CDKAL1: variants seen among roughly 807,000 people sequenced by gnomAD.
CDKAL1 encodes threonylcarbamoyladenosine tRNA methylthiotransferase.
A neutral mutation model predicts 68.2 loss-of-function variants in CDKAL1; 32 were observed. The observed-to-expected ratio is 0.47, with a 90% CI of 0.35 to 0.63. The LOEUF (loss-of-function observed/expected upper bound fraction) is 0.63, where lower values mean the gene tolerates loss of function less well. Ranked by LOEUF, CDKAL1 falls within the 30% of genes least tolerant of loss-of-function variation. CDKAL1 has a pLI of 0.00. For missense variants in CDKAL1, 606 were observed against 696.7 expected (o/e 0.87, Z 1.47); for synonymous variants, 234 against 244.3 (o/e 0.96, Z 0.39).
chr6:20,560,209 G>A (rs1402661357), intron 4 of CDKAL1, among the ~76,000 whole-genome samples: 2 of 152,224 alleles, frequency 1.3e-5, no homozygotes, highest in East Asian at 3.9e-4. Context: ...CAATTATTAG[G>A]CGTCATTAAA....
chr6:21,168,692 T>C (rs997637031), intron 13 of CDKAL1, among the ~76,000 whole-genome samples: 7 of 152,192 alleles, frequency 4.6e-5, no homozygotes, highest in Non-Finnish European at 7.3e-5. Context: ...TAAATACAAT[T>C]TGTAATGTAC....
In CDKAL1 at chr6:20,653,258, A is replaced by G. The variant is rs190126265; in HGVS notation, c.371+3881A>G. Among the ~76,000 whole-genome samples, 5 of 152,294 alleles carry G rather than the reference A, an allele frequency of 3.3e-5. No homozygotes were observed. The East Asian group carries it at 9.7e-4, about 29-fold the overall frequency. Reference sequence around the variant, plus strand: ...TGGGAGTTGAGTTACTGGGTAACATATCTGTGTACATTCAAACTTTATTAG... The same window carrying G: ...TGGGAGTTGAGTTACTGGGTAACATGTCTGTGTACATTCAAACTTTATTAG... On this transcript the variant is annotated intron_variant, in intron 5 of 15. Coordinates refer to ENST00000274695, the MANE Select transcript of CDKAL1 (RefSeq NM_017774.3).
chr6:21,201,177 A>G lies in CDKAL1; in HGVS notation c.1451A>G (p.Lys484Arg), dbSNP rs9460608. 88 of 1,614,042 alleles carry G rather than the reference A, an allele frequency of 5.5e-5. No individual in the cohort carries two copies. The African/African-American group carries it at 1.2e-3, about 21-fold the overall frequency. The change falls in exon 15 of 16, where the codon AAA becomes AGA. Residue 484 changes from lysine to arginine, a missense_variant. Lys to Arg is a conservative substitution (Grantham distance 26). Transcript: ENST00000274695. The stretch of plus-strand genomic sequence containing the variant: ...GAAGTGGACATCTATGAATCAGGCA[A>G]ACATTTTATGAAAGGGCAGCCAGTA... The part of the protein sequence containing the change: ...MVEVDIYESG[K>R]HFMKGQPVSD...
At chr6:21,191,942 C>T (rs1323999008) in intron 13 of CDKAL1, among the ~76,000 whole-genome samples, 8 of 140,150 alleles carry the variant, frequency 5.7e-5, no homozygotes, top group Non-Finnish European at 3.0e-5. Context: ...GTGACCGAGT[C>T]AGAGAAAGCA....
intron 5 of CDKAL1, among the ~76,000 whole-genome samples, chr6:20,690,881 A>G (rs1336052142): frequency 6.6e-6 from 1 of 152,200 alleles, no homozygotes; most frequent in Non-Finnish European, 1.5e-5. Flanking sequence ...ATGTACCACT[A>G]CTGACTGCTT....
chr6:20,831,338 G>A (rs1777709293), intron 8 of CDKAL1, among the ~76,000 whole-genome samples: 1 of 152,188 alleles, frequency 6.6e-6, no homozygotes, highest in African/African-American at 2.4e-5. Context: ...GAGGTCGGGT[G>A]AATATGGCGG....
rs976872320 is a variant in CDKAL1 at position 21,066,885 on chromosome 6, G to A, written c.1236+1657G>A. Among the ~76,000 whole-genome samples, 24 of 152,192 alleles carry A rather than the reference G, an allele frequency of 1.6e-4. 1 individual carries two copies. The highest frequency in any genetic ancestry group is 5.5e-4 in the African/African-American group (23 of 41,530). On this transcript the variant is annotated intron_variant, in intron 12 of 15. Coordinates refer to ENST00000274695, the MANE Select transcript of CDKAL1 (RefSeq NM_017774.3). ...AAGCGATCCTCCCATGTTGGTCTCC[G>A]AAAGTGCCAGTATTACAGGTGTGAG... is the stretch of plus-strand genomic sequence containing the variant.
intron 5 of CDKAL1, among the ~76,000 whole-genome samples, chr6:20,692,710 A>G (rs1770923375): frequency 6.6e-6 from 1 of 151,592 alleles, no homozygotes; most frequent in African/African-American, 2.4e-5. Context: ...GCTTCATTTA[A>G]TATTTTTCTT....
chr6:21,083,972 G>C (rs4593348), intron 12 of CDKAL1, among the ~76,000 whole-genome samples: 16 of 152,038 alleles, frequency 1.1e-4, no homozygotes, highest in African/African-American at 3.6e-4. Context: ...CTTTATCGGC[G>C]ATGCTAAATT....
At chr6:20,749,477 A>T (rs1773818770) in intron 6 of CDKAL1, among the ~76,000 whole-genome samples, 1 of 152,050 alleles carries the variant, frequency 6.6e-6, no homozygotes. Context: ...CTATTCAGTA[A>T]GTTTAACTGG....
intron 4 of CDKAL1, among the ~76,000 whole-genome samples, chr6:20,589,282 T>C (rs1765496844): frequency 6.6e-6 from 1 of 152,230 alleles, no homozygotes; most frequent in Non-Finnish European, 1.5e-5. Flanking sequence ...TAATCTTGTT[T>C]TTACTTCAGT....
intron 9 of CDKAL1, among the ~76,000 whole-genome samples, chr6:20,951,959 T>A (rs1764547195): frequency 4.1e-3 from 1 of 244 alleles, no homozygotes; most frequent in Non-Finnish European, 0.019. Context: ...TTCATTTTCT[T>A]TTTTTTTTTT....
intron 9 of CDKAL1, among the ~76,000 whole-genome samples, chr6:20,919,624 CATGT>C (rs1762861540): frequency 1.3e-5 from 2 of 152,170 alleles, no homozygotes; most frequent in Non-Finnish European, 2.9e-5. Context: ...CAGCTTCATC[CATGT>C]CCCTGCAAAG....
rs78512895 is a variant in CDKAL1, at chr6:21,053,522, A to C, written c.1056-11526A>C. 6.5e-3 allele frequency among the ~76,000 whole-genome samples: 987 copies of C among 152,288 alleles called. 11 individuals carry two copies. The highest frequency in any genetic ancestry group is 0.022 in the African/African-American group (920 of 41,558). On this transcript the variant is annotated intron_variant, in intron 11 of 15. Coordinates refer to ENST00000274695, the MANE Select transcript of CDKAL1 (RefSeq NM_017774.3). ...GCTGGGTCACAGTAAGTGTATGTTT[A>C]ACTATTTAAGAAACTGTCAGACTGT...
chr6:20,556,367 A>G (rs1001770866), intron 4 of CDKAL1, among the ~76,000 whole-genome samples: 2 of 149,600 alleles, frequency 1.3e-5, no homozygotes, highest in Non-Finnish European at 3.0e-5. Flanking sequence ...CTCCGCCTCA[A>G]AAAAAAAAAG....
At chr6:21,142,436 G>T (rs888538835) in intron 13 of CDKAL1, among the ~76,000 whole-genome samples, 1 of 152,148 alleles carries the variant, frequency 6.6e-6, no homozygotes, top group Non-Finnish European at 1.5e-5. Flanking sequence ...ACATAACTAA[G>T]GCTAGCACCT....
intron 8 of CDKAL1, among the ~76,000 whole-genome samples, chr6:20,795,486 T>G (rs1454108108): frequency 6.6e-6 from 1 of 152,164 alleles, no homozygotes. Context: ...CTCAGATTAT[T>G]TTCTGCAGTG....
At chr6:20,707,153 A>G (rs984336619) in intron 5 of CDKAL1, among the ~76,000 whole-genome samples, 1 of 152,238 alleles carries the variant, frequency 6.6e-6, no homozygotes, top group Non-Finnish European at 1.5e-5. Flanking sequence ...TGATGGAGAT[A>G]ATGTTCTGTG....
In CDKAL1 at chr6:21,000,334, G is replaced by T; in HGVS notation, c.1017G>T (p.Val339=). The change falls in exon 11 of 16, where the codon GTG becomes GTT. Residue 339 remains valine (V), a synonymous_variant. Transcript: ENST00000274695. ...VLMEMKREYC[V]ADFKRVVDFL... ...TGGAAATGAAAAGAGAATACTGTGT[G>T]GCTGACTTCAAAAGAGTAGTGGATT... 1 of 1,613,826 alleles carries T rather than the reference G, an allele frequency of 6.2e-7. No homozygotes were observed. Among genetic ancestry groups the T allele is most frequent in the Non-Finnish European group, 8.5e-7 (1 of 1,179,762 alleles).
Sources: allele counts gnomAD v4.1 joint callset (sites outside exome capture counted in the v4.1 genomes callset), GRCh38; gene constraint gnomAD v4.1.1; transcripts MANE v1.5; gene names NCBI Gene and HGNC (gene_info 2026-07-23, HGNC 2026-07-21).